Variants in CDH4 observed in about 807,000 individuals in gnomAD.
The protein encoded by CDH4 is cadherin 4, also known as cadherin-4.
In CDH4, 33 loss-of-function variants were observed where a neutral mutation model predicts 86.0. That is an observed-to-expected ratio of 0.38 (90% CI 0.29 to 0.51). The LOEUF (loss-of-function observed/expected upper bound fraction) is 0.51, where lower values mean the gene tolerates loss of function less well. CDH4 is among the 20% of genes least tolerant of loss of function. The probability of loss-of-function intolerance (pLI) is 0.86; values close to 1 mark genes in which losing one functional copy is unlikely to be tolerated. For synonymous variants in CDH4, 555 were observed against 549.4 expected (o/e 1.01, Z -0.14); for missense variants, 1,114 against 1,307.4 (o/e 0.85, Z 2.28).
intron 11 of CDH4, among the ~76,000 whole-genome samples, chr20:61,926,988 G>GCC (rs11403849): frequency 3.6e-4 from 55 of 152,204 alleles, no homozygotes; most frequent in African/African-American, 1.1e-3. Context: ...TGGAGCAGGA[G>GCC]CCCCCCGGTT....
intron 2 of CDH4, among the ~76,000 whole-genome samples, chr20:61,635,434 C>T (rs890398857): frequency 1.3e-5 from 2 of 152,226 alleles, no homozygotes; most frequent in African/African-American, 4.8e-5. Context: ...TGTGCCCTCA[C>T]CCATCCTGTG....
At chr20:61,791,575 G>A (rs1183530136) in intron 4 of CDH4, among the ~76,000 whole-genome samples, 1 of 152,348 alleles carries the variant, frequency 6.6e-6, no homozygotes, top group African/African-American at 2.4e-5. Context: ...ATACATTGCT[G>A]GTGGAGACAG....
At chr20:61,654,231 C>T (rs914079031) in intron 2 of CDH4, among the ~76,000 whole-genome samples, 1 of 152,162 alleles carries the variant, frequency 6.6e-6, no homozygotes, top group Non-Finnish European at 1.5e-5. Context: ...GAGACCAGCC[C>T]GGCCAACACA....
chr20:61,529,868 C>T (rs981566848), intron 2 of CDH4, among the ~76,000 whole-genome samples: 4 of 152,050 alleles, frequency 2.6e-5, no homozygotes, highest in South Asian at 2.1e-4. Context: ...GATGGAGTCT[C>T]GCTATGTCAC....
intron 2 of CDH4, among the ~76,000 whole-genome samples, chr20:61,314,000 G>A (rs557741663): frequency 6.6e-6 from 1 of 152,314 alleles, no homozygotes; most frequent in South Asian, 2.1e-4. Context: ...CTCCCAAAGT[G>A]CTGGGATTAC....
chr20:61,776,213 A>C (rs1210121041), intron 4 of CDH4, among the ~76,000 whole-genome samples: 1 of 152,232 alleles, frequency 6.6e-6, no homozygotes, highest in East Asian at 1.9e-4. Context: ...ATGGCTTTCC[A>C]ATTTGCAGCA....
intron 2 of CDH4, among the ~76,000 whole-genome samples, chr20:61,429,727 A>G (rs1168241159): frequency 2.0e-5 from 3 of 149,270 alleles, no homozygotes; most frequent in African/African-American, 5.0e-5. Flanking sequence ...GGATGGGTGC[A>G]TGAATAGATG....
intron 2 of CDH4, among the ~76,000 whole-genome samples, chr20:61,383,799 A>G (rs201858555): frequency 0.15 from 6,458 of 42,268 alleles, 1,586 homozygotes; most frequent in East Asian, 0.76. Context: ...ATATATATGC[A>G]TATATATGAA....
intron 2 of CDH4, among the ~76,000 whole-genome samples, chr20:61,289,509 A>G (rs953905074): frequency 5.9e-5 from 9 of 152,156 alleles, no homozygotes; most frequent in South Asian, 2.1e-4. Context: ...GAGAGAAACA[A>G]TCTCTGTTCT....
chr20:61,875,418 C>T (rs780141086), intron 7 of CDH4, among the ~76,000 whole-genome samples: 2 of 152,178 alleles, frequency 1.3e-5, no homozygotes, highest in Non-Finnish European at 2.9e-5. Flanking sequence ...GACTCAGACC[C>T]GCACAGCAGA....
At chr20:61,453,607 G>A (rs991006225) in intron 2 of CDH4, among the ~76,000 whole-genome samples, 1 of 152,188 alleles carries the variant, frequency 6.6e-6, no homozygotes, top group Non-Finnish European at 1.5e-5. Context: ...GAAAGATGGT[G>A]CCTTCTGGGC....
At chr20:61,744,722 A>G (rs1419090543) in intron 3 of CDH4, among the ~76,000 whole-genome samples, 1 of 152,110 alleles carries the variant, frequency 6.6e-6, no homozygotes, top group Non-Finnish European at 1.5e-5. Context: ...GGGCGCCTTC[A>G]CCATGCCCTG....
rs189943410 is a variant in CDH4 at position 61,579,348 on chromosome 20, G to A, written c.170-164215G>A. 4.6e-3 allele frequency among the ~76,000 whole-genome samples: 682 copies of A among 148,916 alleles called. 3 individuals are homozygous for A. Among genetic ancestry groups the A allele is most frequent in the Non-Finnish European group, 6.2e-3 (421 of 67,536 alleles). On this transcript the variant is annotated intron_variant, in intron 2 of 15. Coordinates refer to ENST00000614565, the MANE Select transcript of CDH4 (RefSeq NM_001794.5). The stretch of plus-strand genomic sequence containing the variant: ...GTTGCCCAGTCTGGAGTGCAGCGGC[G>A]TGATCTGGGCTCACTGCAACCTCCT...
Position 61,676,502 on chromosome 20 carries a change from G to A in CDH4, c.170-67061G>A, listed in dbSNP as rs960347275. On this transcript the variant is annotated intron_variant, in intron 2 of 15. Coordinates refer to ENST00000614565, the MANE Select transcript of CDH4 (RefSeq NM_001794.5). This position sits in a 1 kb window ranked among gnomAD's most constrained non-coding sequence, Gnocchi z 4.5. Reference sequence around the variant, plus strand: ...ACCCCTTTAGGAGCAGGGTGGAGGGGGACAGACAAAAGGGAGGTGAGAAAA... The same window carrying A: ...ACCCCTTTAGGAGCAGGGTGGAGGGAGACAGACAAAAGGGAGGTGAGAAAA... Among the ~76,000 whole-genome samples the A allele has an allele frequency of 6.6e-6, 1 of 152,064 alleles. No individual in the cohort carries two copies. Among genetic ancestry groups the A allele is most frequent in the African/African-American group, 2.4e-5 (1 of 41,400 alleles).
intron 2 of CDH4, among the ~76,000 whole-genome samples, chr20:61,378,425 G>A (rs2084883513): frequency 6.6e-6 from 1 of 152,132 alleles, no homozygotes; most frequent in African/African-American, 2.4e-5. Flanking sequence ...CTAAAATCAA[G>A]GTGTGGGCAG....
chr20:61,296,184 G>A (rs2084351112), intron 2 of CDH4, among the ~76,000 whole-genome samples: 1 of 144,242 alleles, frequency 6.9e-6, no homozygotes. Flanking sequence ...AAGTATGAGT[G>A]TGTGCGTGTG....
intron 4 of CDH4, among the ~76,000 whole-genome samples, chr20:61,777,203 G>A (rs1300135613): frequency 6.6e-6 from 1 of 152,206 alleles, no homozygotes; most frequent in African/African-American, 2.4e-5. Context: ...TACCCCTAGT[G>A]TTGTAAACAG....
intron 2 of CDH4, among the ~76,000 whole-genome samples, chr20:61,543,200 C>T (rs1284029554): frequency 6.6e-6 from 1 of 152,212 alleles, no homozygotes; most frequent in Admixed American, 6.5e-5. Context: ...TGTTAACCTT[C>T]TTTGGCAACG....
At chr20:61,348,677 G>A (rs185215919) in intron 2 of CDH4, among the ~76,000 whole-genome samples, 56 of 152,268 alleles carry the variant, frequency 3.7e-4, no homozygotes, top group African/African-American at 1.3e-3. Flanking sequence ...TCTCCAAATG[G>A]CTGGGAGTTT....
Sources: gnomAD v4.1 joint callset for allele counts (sites outside exome capture counted in the v4.1 genomes callset) on GRCh38, gnomAD v4.1.1 for gene constraint, Gnocchi (gnomAD v3.1) non-coding constraint, MANE v1.5 for transcripts, NCBI Gene and HGNC (gene_info 2026-07-23, HGNC 2026-07-21) for gene names.